Variants in PRKAG3 observed in about 807,000 individuals in gnomAD.
PRKAG3 encodes the protein protein kinase AMP-activated non-catalytic subunit gamma 3, also known as 5'-AMP-activated protein kinase subunit gamma-3.
A neutral mutation model predicts 56.5 loss-of-function variants in PRKAG3; 39 were observed. That is an observed-to-expected ratio of 0.69 (90% CI 0.53 to 0.90). The LOEUF is 0.90. Among genes scored for constraint, PRKAG3 ranks in the 40% least tolerant of loss-of-function variants. PRKAG3 has a pLI of 0.00. For synonymous variants in PRKAG3, 243 were observed against 250.1 expected, an observed-to-expected ratio of 0.97 and a Z score of 0.27; for missense variants, 628 against 627.5, an observed-to-expected ratio of 1.00 and a Z score of -0.01.
rs759290239 is a variant in PRKAG3 at position 218,830,741 on chromosome 2, C to T, written c.229+5G>A. On this transcript the variant is annotated splice_donor_5th_base_variant and intron_variant, in intron 3 of 12. Transcript: ENST00000529249. ...CCACCTCCCCAGAACTGGCCTTGGC[C>T]TCACCTTCCCCCTGACCTGGTGGCT... is the stretch of plus-strand genomic sequence containing the variant. The T allele has an allele frequency of 2.5e-6, 4 of 1,612,074 alleles. No individual in the cohort carries two copies. The highest frequency in any genetic ancestry group is 2.2e-5 in the South Asian group (2 of 90,982).
In PRKAG3 at chr2:218,827,654, C is replaced by G. The variant is rs1209977135; in HGVS notation, c.821-25G>C. 1 of 1,613,234 alleles carries G rather than the reference C, an allele frequency of 6.2e-7. No homozygotes were observed. Among genetic ancestry groups the G allele is most frequent in the Non-Finnish European group, 8.5e-7 (1 of 1,179,376 alleles). ...TCTGCAGAAAGAGCCAGAGTCAGGC[C>G]AGGGGAGCCGGTCACCTGCCTCACC... On this transcript the variant is annotated intron_variant, in intron 7 of 12. Transcript: ENST00000529249. The surrounding 1 kb of genome is among the most constrained non-coding windows in gnomAD (Gnocchi z 5.3).
intron 10 of PRKAG3, 123 bp downstream of exon 10, chr2:218,826,805 T>A: frequency 7.6e-7 from 1 of 1,315,780 alleles, no homozygotes; most frequent in Non-Finnish European, 1.1e-6. Context: ...AGACTTCTAA[T>A]CCCCAGTCCA....
At chr2:218,823,726 T>G (rs778322651) in exon 13 of PRKAG3, 1 of 1,613,174 alleles carries the variant, frequency 6.2e-7, no homozygotes, top group South Asian at 1.1e-5. Flanking sequence ...GGCTTCCAGG[T>G]GTGCAGGTGG....
chr2:218,831,633 A>C, intron 1 of PRKAG3, 105 bp downstream of exon 1: 1 of 1,445,162 alleles, frequency 6.9e-7, no homozygotes, highest in South Asian at 1.2e-5. Flanking sequence ...ATCCAGACCA[A>C]ACACACACCA....
At chr2:218,830,144 C>T (rs202076370) in exon 4 of PRKAG3, 1 of 1,614,114 alleles carries the variant, frequency 6.2e-7, no homozygotes, top group Admixed American at 1.7e-5. Flanking sequence ...CAGGGCAGGC[C>T]TCTCTTCCAG....
exon 13 of PRKAG3, chr2:218,823,680 G>A (rs1161265333): frequency 1.9e-6 from 3 of 1,605,362 alleles, no homozygotes; most frequent in Admixed American, 1.7e-5. Context: ...TGGGGGTGGG[G>A]GAAGATGAAG....
Position 218,827,958 on chromosome 2 carries a change from C to T in PRKAG3, c.774+46G>A, listed in dbSNP as rs774347142. 5.8e-5 allele frequency: 93 copies of T among 1,598,644 alleles called. No individual in the cohort carries two copies. The highest frequency in any genetic ancestry group is 7.5e-5 in the Non-Finnish European group (88 of 1,171,450). ...CAGGCTCCAGGAGGACTCCCCTCCGCCCCCGCCCCTCTGGGTGCCCATAAG... is the reference window on the plus strand; with the variant it reads ...CAGGCTCCAGGAGGACTCCCCTCCGTCCCCGCCCCTCTGGGTGCCCATAAG... On this transcript the variant is annotated intron_variant, in intron 6 of 12. Coordinates refer to ENST00000529249, the Ensembl canonical transcript of PRKAG3. This position sits in a 1 kb window ranked among gnomAD's most constrained non-coding sequence, Gnocchi z 5.3.
At position 218,828,723 on chromosome 2, in the gene PRKAG3, A is replaced by G. The variant is rs531642147; in HGVS notation, c.634-123T>C. On this transcript the variant is annotated intron_variant, in intron 4 of 12. Transcript: ENST00000529249. ...TCCCTGTCCCACCCAGGGTTCTTCC[A>G]TGGGGCCTTCTCCTGGACCCTCCTC... 3 of 768,264 alleles carry G rather than the reference A, an allele frequency of 3.9e-6. No homozygotes were observed. In the African/African-American group the frequency reaches 5.3e-5, roughly 13 times the overall value. The allele number at this position is 768,264 out of a possible 1,614,324, so 47.6% of individuals were successfully genotyped here.
At chr2:218,829,261 G>C (rs1943982787) in intron 4 of PRKAG3, among the ~76,000 whole-genome samples, 1 of 151,526 alleles carries the variant, frequency 6.6e-6, no homozygotes, top group Middle Eastern at 3.5e-3. Flanking sequence ...AGGTGCCAGA[G>C]CTCATTATTT....
chr2:218,831,352 C>T (rs1383272505), exon 2 of PRKAG3: 2 of 1,603,338 alleles, frequency 1.2e-6, no homozygotes, highest in African/African-American at 1.3e-5. Flanking sequence ...GCTCAGAACC[C>T]CCAAGGCTGC....
rs1248538285 is a variant in PRKAG3 at position 218,827,167 on chromosome 2, C to T, written c.1003-74G>A. 9 of 1,613,022 alleles carry T rather than the reference C, an allele frequency of 5.6e-6. No homozygotes were observed. The highest frequency in any genetic ancestry group is 7.6e-6 in the Non-Finnish European group (9 of 1,179,742). On this transcript the variant is annotated intron_variant, in intron 9 of 12. Transcript: ENST00000529249. This position sits in a 1 kb window ranked among gnomAD's most constrained non-coding sequence, Gnocchi z 5.3. Reference sequence around the variant, plus strand: ...GAGGGCTCCCAGCTCTTCCCCACGACTGCTAGGGCTGAAGACTCCTCAGGC... The same window carrying T: ...GAGGGCTCCCAGCTCTTCCCCACGATTGCTAGGGCTGAAGACTCCTCAGGC...
rs766227645 is a variant in PRKAG3 at position 218,823,806 on chromosome 2, C to G, written c.1426G>C (p.Ala476Pro). 2 of 1,614,104 alleles carry G rather than the reference C, an allele frequency of 1.2e-6. No homozygotes were observed. The highest frequency in any genetic ancestry group is 3.3e-5 in the Admixed American group (2 of 60,022). ...ATGCCAGCAGGGCTGAGCACCAGTG[C>G]CTGAAGGATGTCGGAGAGGGAGACC... Residue 476 changes from alanine to proline, a missense_variant, in exon 13 of 13, where the codon GCA becomes CCA. Ala to Pro is a conservative substitution (Grantham distance 27). Coordinates refer to ENST00000529249, the Ensembl canonical transcript of PRKAG3.
intron 10 of PRKAG3, among the ~76,000 whole-genome samples, chr2:218,825,857 A>G (rs1435638665): frequency 6.6e-6 from 1 of 151,328 alleles, no homozygotes; most frequent in Non-Finnish European, 1.5e-5. Context: ...CCCAGGTTCA[A>G]CCGATTCTCC....
chr2:218,824,640 G>T, intron 10 of PRKAG3, 64 bp from the exon 11 acceptor site: 2 of 1,473,912 alleles, frequency 1.4e-6, no homozygotes, highest in Non-Finnish European at 1.9e-6. Flanking sequence ...GTCAGAACCG[G>T]GGTGCTGTGT....
chr2:218,829,822 C>T (rs1234518336), intron 4 of PRKAG3, among the ~76,000 whole-genome samples, 156 bp downstream of exon 4: 1 of 152,164 alleles, frequency 6.6e-6, no homozygotes, highest in Non-Finnish European at 1.5e-5. Context: ...AGAAGCTGTC[C>T]CTCCCCCAAC....
chr2:218,827,449 G>A lies in PRKAG3; in HGVS notation c.876-76C>T. On this transcript the variant is annotated intron_variant, in intron 8 of 12. Transcript: ENST00000529249. This position sits in a 1 kb window ranked among gnomAD's most constrained non-coding sequence, Gnocchi z 5.3. ...TCCATCCCAGGCCCCTAAAAAGGAG[G>A]GCAGGGCACCAAGGCTCCCTTGTCT... 2 of 1,609,110 alleles carry A rather than the reference G, an allele frequency of 1.2e-6. No individual in the cohort carries two copies. Among genetic ancestry groups the A allele is most frequent in the South Asian group, 1.1e-5 (1 of 90,790 alleles).
chr2:218,826,843 A>G (rs1467320), intron 10 of PRKAG3, 85 bp downstream of exon 10: 1,305,990 of 1,560,480 alleles, frequency 0.84, 548,499 homozygotes, highest in African/African-American at 0.95. Flanking sequence ...GGATGGCATG[A>G]GAAACCCTGC....
rs1369719961 is a variant in PRKAG3, at chr2:218,827,546, G to C, written c.875+29C>G. Reference sequence around the variant, plus strand: ...GGGGAAGGGGACTGTGGGAGGAGGAGGCTCAGGTGAATGAGCAGAGACACC... The same window carrying C: ...GGGGAAGGGGACTGTGGGAGGAGGACGCTCAGGTGAATGAGCAGAGACACC... On this transcript the variant is annotated intron_variant, in intron 8 of 12. Transcript: ENST00000529249. This position sits in a 1 kb window ranked among gnomAD's most constrained non-coding sequence, Gnocchi z 5.3. 3.1e-6 allele frequency: 5 copies of C among 1,609,494 alleles called. No individual in the cohort carries two copies. Among genetic ancestry groups the C allele is most frequent in the South Asian group, 1.1e-5 (1 of 90,966 alleles).
At chr2:218,828,723 A>T (rs531642147) in intron 4 of PRKAG3, 123 bp from the exon 5 acceptor site, 1 of 768,264 alleles carries the variant, frequency 1.3e-6, no homozygotes, top group East Asian at 2.7e-5. Flanking sequence ...GGGTTCTTCC[A>T]TGGGGCCTTC....
Sources: gnomAD v4.1 joint callset for allele counts (sites outside exome capture counted in the v4.1 genomes callset) on GRCh38, gnomAD v4.1.1 for gene constraint, Gnocchi (gnomAD v3.1) non-coding constraint, MANE v1.5 for transcripts, NCBI Gene and HGNC (gene_info 2026-07-23, HGNC 2026-07-21) for gene names.